The following RBFOX3 variants were observed in gnomAD, a reference collection of about 807,000 sequenced individuals.
The protein encoded by RBFOX3 is RNA binding fox-1 homolog 3, also known as RNA binding protein fox-1 homolog 3.
A neutral mutation model predicts 48.7 loss-of-function variants in RBFOX3; 17 were observed. That is an observed-to-expected ratio of 0.35 (90% confidence interval 0.24 to 0.52). RBFOX3 has a LOEUF of 0.52. Ranked by LOEUF, RBFOX3 falls within the 20% of genes least tolerant of loss-of-function variation. The pLI, the probability that RBFOX3 is intolerant of heterozygous loss-of-function variation, is 0.94. For missense variants in RBFOX3, 382 were observed against 497.5 expected (o/e 0.77, Z 2.21); for synonymous variants, 212 against 209.5 (o/e 1.01, Z -0.10).
intron 2 of RBFOX3, among the ~76,000 whole-genome samples, chr17:79,343,173 G>A (rs544435744): frequency 6.6e-6 from 1 of 152,276 alleles, no homozygotes; most frequent in Admixed American, 6.5e-5. Flanking sequence ...TCTTCATTAA[G>A]TGATACCTGG....
At chr17:79,540,698 C>T (rs902481700) in intron 1 of RBFOX3, among the ~76,000 whole-genome samples, 22 of 152,218 alleles carry the variant, frequency 1.4e-4, no homozygotes, top group African/African-American at 4.8e-4. Flanking sequence ...GGCCTGGAGC[C>T]GGTGTGGCCT....
intron 4 of RBFOX3, among the ~76,000 whole-genome samples, chr17:79,131,808 G>A (rs2038987234): frequency 6.6e-6 from 1 of 152,152 alleles, no homozygotes; most frequent in African/African-American, 2.4e-5. Flanking sequence ...AGATGGCCCC[G>A]AATCCTGCCC....
At chr17:79,546,324 TACAG>T (rs2090427739) in intron 1 of RBFOX3, among the ~76,000 whole-genome samples, 1 of 152,188 alleles carries the variant, frequency 6.6e-6, no homozygotes, top group African/African-American at 2.4e-5. Flanking sequence ...GCCAAGTGTC[TACAG>T]ACAGTCTCCC....
intron 3 of RBFOX3, among the ~76,000 whole-genome samples, chr17:79,263,696 G>C (rs923621329): frequency 1.9e-4 from 29 of 152,310 alleles, no homozygotes; most frequent in African/African-American, 5.8e-4. Context: ...AGGACTCTGC[G>C]TGTTGTTGCC....
chr17:79,366,536 A>G (rs1274133939), intron 2 of RBFOX3, among the ~76,000 whole-genome samples: 3 of 152,188 alleles, frequency 2.0e-5, no homozygotes, highest in African/African-American at 7.2e-5. Context: ...TCAAAACATC[A>G]TGAATAGAGC....
At chr17:79,442,285 G>A (rs2071173165) in intron 2 of RBFOX3, among the ~76,000 whole-genome samples, 1 of 27,090 alleles carries the variant, frequency 3.7e-5, no homozygotes, top group African/African-American at 1.6e-4. Flanking sequence ...GAGAGAGGGA[G>A]AGAGGGAGGG....
At chr17:79,352,304 T>C (rs191734250) in intron 2 of RBFOX3, among the ~76,000 whole-genome samples, 2 of 152,296 alleles carry the variant, frequency 1.3e-5, no homozygotes, top group African/African-American at 4.8e-5. Flanking sequence ...TAAAAGTGTG[T>C]AGCACTGCCC....
intron 14 of RBFOX3, among the ~76,000 whole-genome samples, chr17:79,093,343 A>C (rs901548758): frequency 5.9e-5 from 9 of 152,168 alleles, no homozygotes; most frequent in African/African-American, 2.2e-4. Flanking sequence ...AAATTGGGGA[A>C]AAATAGAAAA....
intron 1 of RBFOX3, among the ~76,000 whole-genome samples, chr17:79,561,150 G>C (rs1195328778): frequency 2.0e-5 from 3 of 152,210 alleles, no homozygotes; most frequent in African/African-American, 7.2e-5. Context: ...ATTTGGAACA[G>C]ATGCTTAGAA....
intron 4 of RBFOX3, among the ~76,000 whole-genome samples, chr17:79,154,757 T>A (rs1425217657): frequency 6.6e-6 from 1 of 152,238 alleles, no homozygotes; most frequent in Admixed American, 6.5e-5. Context: ...TGGTTCCTGC[T>A]TCTCTGAGGA....
intron 1 of RBFOX3, among the ~76,000 whole-genome samples, chr17:79,490,663 A>G (rs2080350141): frequency 6.6e-6 from 1 of 151,822 alleles, no homozygotes; most frequent in Non-Finnish European, 1.5e-5. Flanking sequence ...TCCCTCCTGC[A>G]TGGATACTGG....
chr17:79,264,375 T>C (rs1178110156), intron 3 of RBFOX3, among the ~76,000 whole-genome samples: 3 of 53,886 alleles, frequency 5.6e-5, no homozygotes, highest in African/African-American at 2.9e-4. Flanking sequence ...CAAGCCTGGC[T>C]TTTTTTTTTT....
chr17:79,310,301 G>T (rs2076671004), intron 2 of RBFOX3, among the ~76,000 whole-genome samples: 1 of 152,128 alleles, frequency 6.6e-6, no homozygotes, highest in African/African-American at 2.4e-5. Context: ...GAGCCTGGGG[G>T]TCCAGGCCCT....
At chr17:79,144,335 C>T (rs560367107) in intron 4 of RBFOX3, among the ~76,000 whole-genome samples, 28 of 152,206 alleles carry the variant, frequency 1.8e-4, no homozygotes, top group South Asian at 4.1e-4. Context: ...TTTTGCAGGA[C>T]GGCCACGGAG....
chr17:79,499,587 T>A (rs2149713046), intron 1 of RBFOX3, among the ~76,000 whole-genome samples: 2 of 152,318 alleles, frequency 1.3e-5, no homozygotes, highest in South Asian at 4.1e-4. Context: ...TACCTACAAG[T>A]CTGGGCTTGG....
At chr17:79,356,349 T>TG in intron 2 of RBFOX3, among the ~76,000 whole-genome samples, 1 of 10,928 alleles carries the variant, frequency 9.2e-5, no homozygotes, top group Admixed American at 1.7e-3. Context: ...AACAGGGAAG[T>TG]TTTTTTTTTT....
intron 2 of RBFOX3, among the ~76,000 whole-genome samples, chr17:79,447,122 A>G (rs1038188144): frequency 1.3e-5 from 2 of 152,216 alleles, no homozygotes; most frequent in Non-Finnish European, 2.9e-5. Context: ...CCTGCCTTCC[A>G]TGTGTGCAGC....
At chr17:79,610,283 C>A (rs2093941987) in intron 1 of RBFOX3, among the ~76,000 whole-genome samples, 1 of 152,012 alleles carries the variant, frequency 6.6e-6, no homozygotes, top group East Asian at 1.9e-4. Context: ...GCCTGGGTGC[C>A]GCGACAGACG....
At chr17:79,419,530 G>A (rs1038678525) in intron 2 of RBFOX3, among the ~76,000 whole-genome samples, 3 of 152,198 alleles carry the variant, frequency 2.0e-5, no homozygotes, top group East Asian at 1.9e-4. Flanking sequence ...ATTCAGAGGC[G>A]CTCAGGCGCT....
Sources: gnomAD v4.1 joint callset for allele counts (sites outside exome capture counted in the v4.1 genomes callset) on GRCh38, gnomAD v4.1.1 for gene constraint, MANE v1.5 for transcripts, NCBI Gene and HGNC (gene_info 2026-07-23, HGNC 2026-07-21) for gene names.